DBR1: variants seen among roughly 807,000 people sequenced by gnomAD.
DBR1 encodes the protein debranching RNA lariats 1.
Under a neutral mutation model 45.9 loss-of-function variants are expected in DBR1, and 33 were observed. The observed-to-expected ratio is 0.72, with a 90% confidence interval of 0.55 to 0.96. The LOEUF (loss-of-function observed/expected upper bound fraction) is 0.96, where lower values mean the gene tolerates loss of function less well. Ranked by LOEUF, DBR1 falls within the 40% of genes least tolerant of loss-of-function variation. The pLI is 0.00. For synonymous variants in DBR1, 235 were observed against 235.9 expected, an observed-to-expected ratio of 1.00 and a Z score of 0.04; for missense variants, 619 against 667.4, an observed-to-expected ratio of 0.93 and a Z score of 0.80.
At chr3:138,173,986 A>C (rs1275651847) in intron 1 of DBR1, among the ~76,000 whole-genome samples, 1 of 147,250 alleles carries the variant, frequency 6.8e-6, no homozygotes, top group Non-Finnish European at 1.5e-5. Flanking sequence ...GCGGTACTGC[A>C]CTCCAGCCTG....
chr3:138,168,514 T>C (rs763699589), intron 4 of DBR1, among the ~76,000 whole-genome samples: 32 of 149,218 alleles, frequency 2.1e-4, no homozygotes, highest in Non-Finnish European at 3.6e-4. Context: ...AAGTGAAACT[T>C]TGTCTCAAAA....
Position 138,162,184 on chromosome 3 carries a change from A to C in DBR1, c.1340T>G (p.Met447Arg), listed in dbSNP as rs1211487483. 1 of 1,614,200 alleles carries C rather than the reference A, an allele frequency of 6.2e-7. No homozygotes were observed. The highest frequency in any genetic ancestry group is 2.2e-5 in the East Asian group (1 of 44,890). The change falls in exon 8 of 8, where the codon ATG becomes AGG. Residue 447 changes from methionine to arginine, a missense_variant. Transcript: ENST00000260803. ...EDSIVSAHSG[M>R]NTPSVEPSDQ... ...AGAAGGTTCTACCGATGGTGTATTC[A>C]TGCCACTATGTGCACTTACAATACT...
rs1333046986 is a variant in DBR1, at chr3:138,162,316, T to C, written c.1208A>G (p.Glu403Gly). 2 of 1,614,222 alleles carry C rather than the reference T, an allele frequency of 1.2e-6. No individual in the cohort carries two copies. Among genetic ancestry groups the C allele is most frequent in the Admixed American group, 1.7e-5 (1 of 60,028 alleles). The change falls in exon 8 of 8, where the codon GAG becomes GGG. Residue 403 changes from glutamate to glycine, a missense_variant. Physicochemically the swap from Glu to Gly is moderately conservative, Grantham distance 98. This residue lies in a region of DBR1 where 182 missense variants were observed against 196.1 expected (regional missense o/e 0.93). Transcript: ENST00000260803. The stretch of plus-strand genomic sequence containing the variant: ...CTGGTCTTCTCCAGAGTCATTACTC[T>C]CCACATCATCCTGTTCTTCATATTC... ...CGEYEEQDDV[E>G]SNDSGEDQSE... is the part of the protein sequence containing the mutation.
Position 138,161,018 on chromosome 3 carries a change from A to G in DBR1, c.*871T>C, listed in dbSNP as rs2042904028. On this transcript the variant is annotated 3_prime_UTR_variant, in exon 8 of 8. Coordinates refer to ENST00000260803, the MANE Select transcript of DBR1 (RefSeq NM_016216.4). ...GATTGTACGTTTACCAATGTTTAGT[A>G]TTCAGAGTAGTTTATTTCCTGAAAT... 1 of 152,152 alleles carries G rather than the reference A, an allele frequency of 6.6e-6. No homozygotes were observed. Among genetic ancestry groups the G allele is most frequent in the Non-Finnish European group, 1.5e-5 (1 of 68,030 alleles). The allele number at this position is 152,152 out of a possible 1,614,324, so 9.4% of individuals were successfully genotyped here.
At chr3:138,162,815 C>T (rs1054045696) in intron 7 of DBR1, among the ~76,000 whole-genome samples, 15 of 152,212 alleles carry the variant, frequency 9.9e-5, no homozygotes, top group Non-Finnish European at 1.8e-4. Flanking sequence ...ACTATATCTT[C>T]ACCATATCAT....
chr3:138,167,031 G>A (rs1370409926), intron 5 of DBR1, 50 bp downstream of exon 5: 5 of 1,515,848 alleles, frequency 3.3e-6, no homozygotes, highest in Non-Finnish European at 4.6e-6. Flanking sequence ...CTGGTCCATA[G>A]ATGTTCAATA....
intron 5 of DBR1, among the ~76,000 whole-genome samples, chr3:138,165,689 A>G (rs2042927298): frequency 6.6e-6 from 1 of 151,348 alleles, no homozygotes; most frequent in Non-Finnish European, 1.5e-5. Context: ...AGATCGCGCC[A>G]CTGCACTCCA....
chr3:138,172,937 T>C (rs369729228), intron 2 of DBR1, among the ~76,000 whole-genome samples: 1 of 152,260 alleles, frequency 6.6e-6, no homozygotes, highest in African/African-American at 2.4e-5. Context: ...AACATGGCAA[T>C]AGATAATGAT....
In DBR1 at chr3:138,174,885, T is replaced by A; in HGVS notation, c.-90A>T. On this transcript the variant is annotated 5_prime_UTR_variant, in exon 1 of 8. Coordinates refer to ENST00000260803, the MANE Select transcript of DBR1 (RefSeq NM_016216.4). ...CTGATCGCTCAGCTCCCGCCAACTT[T>A]AATAAGTATAGCCACCGCCTGGGTG... The A allele has an allele frequency of 7.8e-7, 1 of 1,278,114 alleles. No individual in the cohort carries two copies. The highest frequency in any genetic ancestry group is 1.1e-6 in the Non-Finnish European group (1 of 922,734). 79.2% of individuals were successfully genotyped at this position (1,278,114 alleles called of 1,614,324 possible).
intron 2 of DBR1, 121 bp downstream of exon 2, chr3:138,173,381 G>A: frequency 1.0e-6 from 1 of 962,394 alleles, no homozygotes; most frequent in Non-Finnish European, 1.5e-6. Context: ...TCACGATTAA[G>A]TATTTAAATT....
intron 4 of DBR1, 50 bp downstream of exon 4, chr3:138,170,057 G>T (rs2042947508): frequency 1.7e-6 from 2 of 1,174,678 alleles, no homozygotes; most frequent in African/African-American, 1.5e-5. Context: ...TTTTGGCACA[G>T]AATTACTTTA....
rs546845273 is a variant in DBR1, at chr3:138,161,795, G to A, written c.*94C>T. 15 of 1,019,008 alleles carry A rather than the reference G, an allele frequency of 1.5e-5. No homozygotes were observed. Among genetic ancestry groups the A allele is most frequent in the African/African-American group, 6.3e-5 (4 of 63,278 alleles). The allele number at this position is 1,019,008 out of a possible 1,614,324, so 63.1% of individuals were successfully genotyped here. On this transcript the variant is annotated 3_prime_UTR_variant, in exon 8 of 8. Coordinates refer to ENST00000260803, the MANE Select transcript of DBR1 (RefSeq NM_016216.4). ...TGGGAGGCGGAGGTTGCGGTGAGCC[G>A]AGATCACGCCATTGCACTCCAGTCT...
intron 2 of DBR1, 63 bp downstream of exon 2, chr3:138,173,439 C>T (rs1016016283): frequency 4.3e-5 from 68 of 1,571,166 alleles, no homozygotes; most frequent in South Asian, 1.0e-4. Flanking sequence ...GTCCAACTAA[C>T]GCAAATCCTG....
chr3:138,170,251 A>G, intron 3 of DBR1, 59 bp from the exon 4 acceptor site: 2 of 1,064,448 alleles, frequency 1.9e-6, no homozygotes, highest in East Asian at 4.8e-5. Flanking sequence ...GCAAATACAA[A>G]GACATATACA....
chr3:138,171,733 A>T lies in DBR1; in HGVS notation c.323-20T>A. The T allele has an allele frequency of 6.4e-7, 1 of 1,574,260 alleles. No homozygotes were observed. The highest frequency in any genetic ancestry group is 8.7e-7 in the Non-Finnish European group (1 of 1,144,154). ...CCAAACCTAAACAATACAGTTAAAT[A>T]AAATTACTGTAGGCAAAAGGAATCT... is the stretch of plus-strand genomic sequence containing the variant. On this transcript the variant is annotated intron_variant, in intron 2 of 7. Coordinates refer to ENST00000260803, the MANE Select transcript of DBR1 (RefSeq NM_016216.4).
rs749811392 is a variant in DBR1, at chr3:138,162,171, C to A, written c.1353G>T (p.Ser451=). 6.2e-7 allele frequency: 1 copy of A among 1,614,106 alleles called. No individual in the cohort carries two copies. The highest frequency in any genetic ancestry group is 1.1e-5 in the South Asian group (1 of 91,080). The change falls in exon 8 of 8, where the codon TCG becomes TCT. Residue 451 remains serine (S), a synonymous_variant. Transcript: ENST00000260803. ...VSAHSGMNTP[S]VEPSDQASEF... is the part of the protein sequence containing the mutation. The stretch of plus-strand genomic sequence containing the variant: ...CAGAAGCTTGATCAGAAGGTTCTAC[C>A]GATGGTGTATTCATGCCACTATGTG...
In DBR1 at chr3:138,171,624, A is replaced by G. The variant is rs80230030; in HGVS notation, c.403+9T>C. 2 of 1,603,636 alleles carry G rather than the reference A, an allele frequency of 1.2e-6. No individual in the cohort carries two copies. The highest frequency in any genetic ancestry group is 1.7e-6 in the Non-Finnish European group (2 of 1,170,886). On this transcript the variant is annotated intron_variant, in intron 3 of 7. Transcript: ENST00000260803. ...TTCTAAAGTTTAAAAATAATTCTCA[A>G]AACAATACCTTTTCGATAGTCATGA...
intron 7 of DBR1, among the ~76,000 whole-genome samples, 171 bp downstream of exon 7, chr3:138,163,178 T>C (rs944890905): frequency 3.3e-5 from 5 of 152,158 alleles, no homozygotes; most frequent in African/African-American, 9.7e-5. Context: ...GAGGATCCCT[T>C]TAGCCCAGGA....
intron 4 of DBR1, among the ~76,000 whole-genome samples, chr3:138,169,734 C>G (rs1014212031): frequency 2.6e-5 from 4 of 152,104 alleles, no homozygotes; most frequent in African/African-American, 9.7e-5. Context: ...GAATTTGAGA[C>G]CAGCCTGGCA....
Sources: allele counts gnomAD v4.1 joint callset (sites outside exome capture counted in the v4.1 genomes callset), GRCh38; gene constraint gnomAD v4.1.1; regional missense constraint gnomAD v4.1.1; transcripts MANE v1.5; gene names NCBI Gene and HGNC (gene_info 2026-07-23, HGNC 2026-07-21).